Variants in SF3B3 observed in about 807,000 individuals in gnomAD.
The protein encoded by SF3B3 is SAP 130.
Under a neutral mutation model 139.2 loss-of-function variants are expected in SF3B3, and 33 were observed. The ratio of observed to expected loss-of-function variants is 0.24; its 90% confidence interval spans 0.18 to 0.32. The LOEUF (loss-of-function observed/expected upper bound fraction) is 0.32, where lower values mean the gene tolerates loss of function less well. Among genes scored for constraint, SF3B3 ranks in the 10% least tolerant of loss-of-function variants. SF3B3 has a pLI of 1.00. For missense variants in SF3B3, 818 were observed against 1,509.4 expected (o/e 0.54, Z 7.59); for synonymous variants, 596 against 563.6 (o/e 1.06, Z -0.81).
intron 11 of SF3B3, among the ~76,000 whole-genome samples, chr16:70,549,826 G>T (rs1032790152): frequency 6.6e-6 from 1 of 152,192 alleles, no homozygotes; most frequent in African/African-American, 2.4e-5. Context: ...TTAAGGGGCT[G>T]AGGCAGGAGA....
intron 11 of SF3B3, among the ~76,000 whole-genome samples, chr16:70,553,668 G>T (rs1302990174): frequency 6.7e-6 from 1 of 148,478 alleles, no homozygotes; most frequent in African/African-American, 2.5e-5. Context: ...ATGGAAAATA[G>T]ATGGCCTTTA....
intron 6 of SF3B3, 56 bp downstream of exon 6, chr16:70,535,476 T>G: frequency 1.0e-6 from 1 of 1,002,606 alleles, no homozygotes; most frequent in Non-Finnish European, 1.5e-6. Flanking sequence ...GTGATTACAG[T>G]GTAGTCTCTT....
Position 70,575,186 on chromosome 16 carries a change from TC to T in SF3B3, c.*3374del. ...TTTCTCTTTTTTTTCTTTTTCTTTT[TC>T]TTTTTTTTCTTTTTTTTTTTTTTTT... On this transcript the variant is annotated 3_prime_UTR_variant, in exon 26 of 26. Coordinates refer to ENST00000302516, the MANE Select transcript of SF3B3 (RefSeq NM_012426.5). 5.5e-5 allele frequency: 8 copies of T among 145,070 alleles called. No homozygotes were observed. Among genetic ancestry groups the T allele is most frequent in the African/African-American group, 2.1e-4 (8 of 38,132 alleles). The allele number at this position is 145,070 out of a possible 1,614,324, so 9.0% of individuals were successfully genotyped here.
In SF3B3 at chr16:70,565,377, G is replaced by C; in HGVS notation, c.2679G>C (p.Val893=). 1 of 1,614,214 alleles carries C rather than the reference G, an allele frequency of 6.2e-7. No homozygotes were observed. Among genetic ancestry groups the C allele is most frequent in the Non-Finnish European group, 8.5e-7 (1 of 1,180,030 alleles). The part of the protein sequence containing the change: ...EQNEAAFSVA[V]CRFSNTGEDW... ...CTTATTCTGTGTGTAGTGTGGCTGT[G>C]TGCAGGTTTTCCAACACTGGTGAAG... Residue 893 remains valine (V), a synonymous_variant, in exon 20 of 26, where the codon GTG becomes GTC. Coordinates refer to ENST00000302516, the MANE Select transcript of SF3B3 (RefSeq NM_012426.5).
chr16:70,547,256 C>G lies in SF3B3; in HGVS notation c.1330-1114C>G, dbSNP rs188031357. Among the ~76,000 whole-genome samples, 221 of 152,260 alleles carry G rather than the reference C, an allele frequency of 1.5e-3. 1 individual carries two copies. Among genetic ancestry groups the G allele is most frequent in the Non-Finnish European group, 2.5e-3 (171 of 68,000 alleles). On this transcript the variant is annotated intron_variant, in intron 10 of 25. Coordinates refer to ENST00000302516, the MANE Select transcript of SF3B3 (RefSeq NM_012426.5). ...TAAACTAGGAAAAGGGCTAGTCTTTCTGTGAATATACATGAATTCTTCCTA... is the reference window on the plus strand; with the variant it reads ...TAAACTAGGAAAAGGGCTAGTCTTTGTGTGAATATACATGAATTCTTCCTA...
rs1205077525 is a variant in SF3B3, at chr16:70,528,463, CCTT to C, written c.71-409_71-407del. Among the ~76,000 whole-genome samples the C allele has an allele frequency of 3.5e-5, 4 of 114,026 alleles. No homozygotes were observed. In the East Asian group the frequency reaches 7.3e-4, roughly 21 times the overall value. 74.8% of individuals were successfully genotyped at this position (114,026 alleles called of 152,430 possible). On this transcript the variant is annotated intron_variant, in intron 2 of 25. Coordinates refer to ENST00000302516, the MANE Select transcript of SF3B3 (RefSeq NM_012426.5). ...AACAGGTGTGAGCCACTGTGCGTGGCCTTTTTTTTTTTTTTTTTTTTTTTTAGA... is the reference window on the plus strand; with the variant it reads ...AACAGGTGTGAGCCACTGTGCGTGGCTTTTTTTTTTTTTTTTTTTTTTAGA...
chr16:70,538,930 T>TA lies in SF3B3; in HGVS notation c.964-173dup, dbSNP rs577247514. The stretch of plus-strand genomic sequence containing the variant: ...CAATTACTCAACTCTGCCATTATAG[T>TA]ACAAGACAGCCACAGCCAGTAATGA... On this transcript the variant is annotated intron_variant, in intron 7 of 25. Coordinates refer to ENST00000302516, the MANE Select transcript of SF3B3 (RefSeq NM_012426.5). 3.3e-4 allele frequency among the ~76,000 whole-genome samples: 50 copies of TA among 152,308 alleles called. No homozygotes were observed. The South Asian group carries it at 9.1e-3, about 28-fold the overall frequency.
intron 4 of SF3B3, among the ~76,000 whole-genome samples, chr16:70,532,198 A>T (rs1379184717): frequency 1.3e-5 from 2 of 152,034 alleles, no homozygotes; most frequent in Non-Finnish European, 2.9e-5. Flanking sequence ...AGGCTGAGGC[A>T]GGAGAATCAC....
chr16:70,534,337 G>A (rs1424623201), intron 5 of SF3B3, among the ~76,000 whole-genome samples: 1 of 152,188 alleles, frequency 6.6e-6, no homozygotes, highest in Non-Finnish European at 1.5e-5. Context: ...GGGGTGGGGT[G>A]AAAGCTACTG....
intron 5 of SF3B3, among the ~76,000 whole-genome samples, chr16:70,534,125 C>G (rs1166045658): frequency 6.6e-6 from 1 of 152,188 alleles, no homozygotes; most frequent in Non-Finnish European, 1.5e-5. Flanking sequence ...GAATGTGTTA[C>G]AGAAAGCTTG....
At chr16:70,560,442 T>C (rs1221394017) in intron 15 of SF3B3, 27 bp from the exon 16 acceptor site, 1 of 1,610,532 alleles carries the variant, frequency 6.2e-7, no homozygotes, top group South Asian at 1.1e-5. Context: ...TCCATCAGGC[T>C]TCACCTGCTC....
At chr16:70,552,982 C>G (rs1457833706) in intron 11 of SF3B3, among the ~76,000 whole-genome samples, 2 of 152,174 alleles carry the variant, frequency 1.3e-5, no homozygotes, top group Non-Finnish European at 2.9e-5. Flanking sequence ...GCGATCTCGG[C>G]TCACTGCGGC....
chr16:70,527,100 A>G (rs2050071606), intron 2 of SF3B3: 1 of 195,012 alleles, frequency 5.1e-6, no homozygotes, highest in Non-Finnish European at 1.0e-5. Flanking sequence ...TCAGAGAGTA[A>G]TTTAAATAAA....
Position 70,552,148 on chromosome 16 carries a change from C to T in SF3B3, c.1403-2298C>T, listed in dbSNP as rs1031914519. 3.3e-5 allele frequency among the ~76,000 whole-genome samples: 5 copies of T among 152,244 alleles called. 1 individual carries two copies. The South Asian group carries it at 1.0e-3, about 32-fold the overall frequency. On this transcript the variant is annotated intron_variant, in intron 11 of 25. Coordinates refer to ENST00000302516, the MANE Select transcript of SF3B3 (RefSeq NM_012426.5). ...TTGCCCCATTCTCTCCCATGAAAGT[C>T]AAAAGTTGTGTGGTCTGTCTTTTGG... is the stretch of plus-strand genomic sequence containing the variant.
intron 11 of SF3B3, among the ~76,000 whole-genome samples, chr16:70,552,678 A>G (rs1018833073): frequency 2.6e-5 from 4 of 152,220 alleles, no homozygotes; most frequent in Non-Finnish European, 4.4e-5. Context: ...CCATTAGAGC[A>G]TGCCCATTGG....
intron 1 of SF3B3, among the ~76,000 whole-genome samples, chr16:70,525,471 C>G (rs1300390087): frequency 6.6e-6 from 1 of 152,080 alleles, no homozygotes; most frequent in Admixed American, 6.6e-5. Context: ...TGGATTGTAT[C>G]AGTTATAAGG....
At chr16:70,560,406 G>A in intron 15 of SF3B3, 63 bp from the exon 16 acceptor site, 1 of 1,575,428 alleles carries the variant, frequency 6.3e-7, no homozygotes, top group Non-Finnish European at 8.7e-7. Context: ...CCAAGGGAGA[G>A]GTTTTCCCAT....
chr16:70,556,672 C>G lies in SF3B3; in HGVS notation c.1867-214C>G. 3 of 621,310 alleles carry G rather than the reference C, an allele frequency of 4.8e-6. No homozygotes were observed. The South Asian group carries it at 6.0e-5, about 13-fold the overall frequency. 38.5% of individuals were successfully genotyped at this position (621,310 alleles called of 1,614,324 possible). A position where few individuals can be genotyped will look rare whatever the true frequency, so the allele number is the denominator to read the frequency against. On this transcript the variant is annotated intron_variant, in intron 14 of 25. Coordinates refer to ENST00000302516, the MANE Select transcript of SF3B3 (RefSeq NM_012426.5). ...TTTGCTTAATTACCTTTGCCATTAT[C>G]TTCTTTGACAAAAGGAGGAAAGCAT...
Position 70,557,023 on chromosome 16 carries a change from G to T in SF3B3, c.2004G>T (p.Gly668=). The change falls in exon 15 of 26, where the codon GGG becomes GGT. Residue 668 remains glycine, a synonymous_variant. Coordinates refer to ENST00000302516, the MANE Select transcript of SF3B3 (RefSeq NM_012426.5). The part of the protein sequence containing the change: ...GSIGFLYLNI[G]LQNGVLLRTV... ...TTGGCTTCCTATACCTGAATATTGGGCTACAGGTAAGAGATCCAGAGGCCC... is the reference window on the plus strand; with the variant it reads ...TTGGCTTCCTATACCTGAATATTGGTCTACAGGTAAGAGATCCAGAGGCCC... 6.2e-7 allele frequency: 1 copy of T among 1,608,586 alleles called. No homozygotes were observed. The highest frequency in any genetic ancestry group is 1.1e-5 in the South Asian group (1 of 90,058).
Sources: gnomAD v4.1 joint callset for allele counts (sites outside exome capture counted in the v4.1 genomes callset) on GRCh38, gnomAD v4.1.1 for gene constraint, MANE v1.5 for transcripts, NCBI Gene and HGNC (gene_info 2026-07-23, HGNC 2026-07-21) for gene names.